The following ATP9A variants were observed in gnomAD, a reference collection of about 807,000 sequenced individuals.
The protein encoded by ATP9A is ATPase phospholipid transporting 9A, also known as probable phospholipid-transporting ATPase IIA.
ATP9A carries 52 observed loss-of-function variants against 144.1 expected under a neutral mutation model. That is an observed-to-expected ratio of 0.36 (90% CI 0.29 to 0.45). The LOEUF is 0.45. ATP9A is among the 20% of genes least tolerant of loss of function. ATP9A has a pLI of 1.00. For missense variants in ATP9A, 947 were observed against 1,392.7 expected, an observed-to-expected ratio of 0.68 and a Z score of 5.09; for synonymous variants, 582 against 557.4, an observed-to-expected ratio of 1.04 and a Z score of -0.62.
At chr20:51,650,902 T>C (rs62228330) in intron 14 of ATP9A, among the ~76,000 whole-genome samples, 138 of 149,342 alleles carry the variant, frequency 9.2e-4, no homozygotes, top group African/African-American at 2.0e-3. Flanking sequence ...ACATCACACA[T>C]ACACACACAC....
intron 4 of ATP9A, among the ~76,000 whole-genome samples, chr20:51,708,571 T>C (rs2077624438): frequency 1.3e-5 from 2 of 151,440 alleles, no homozygotes. Flanking sequence ...CTCGTCTCTA[T>C]TAAAAATACA....
intron 13 of ATP9A, among the ~76,000 whole-genome samples, chr20:51,663,506 C>T (rs1003397431): frequency 2.6e-5 from 4 of 152,054 alleles, no homozygotes; most frequent in African/African-American, 9.7e-5. Flanking sequence ...AATTCTTCCT[C>T]AAGAGAATGT....
intron 22 of ATP9A, among the ~76,000 whole-genome samples, chr20:51,614,909 T>C (rs1477119435): frequency 6.6e-6 from 1 of 152,142 alleles, no homozygotes; most frequent in Non-Finnish European, 1.5e-5. Flanking sequence ...TGCTAATAAA[T>C]GTGATTTGCA....
chr20:51,745,090 A>G (rs991308640), intron 1 of ATP9A, among the ~76,000 whole-genome samples: 1 of 152,148 alleles, frequency 6.6e-6, no homozygotes, highest in Non-Finnish European at 1.5e-5. Flanking sequence ...TCTGGCCAAC[A>G]TGGTGAAACC....
intron 4 of ATP9A, among the ~76,000 whole-genome samples, chr20:51,712,098 A>G (rs1280635445): frequency 4.6e-5 from 5 of 108,846 alleles, no homozygotes; most frequent in African/African-American, 7.5e-5. Context: ...TTTGAGATGG[A>G]GTCTCGCTCT....
intron 14 of ATP9A, among the ~76,000 whole-genome samples, chr20:51,642,134 A>G (rs955057250): frequency 6.7e-6 from 1 of 150,248 alleles, no homozygotes; most frequent in African/African-American, 2.4e-5. Context: ...ATTACTGTGC[A>G]TCTGTTTTTT....
At chr20:51,646,753 T>G (rs1310660016) in intron 14 of ATP9A, among the ~76,000 whole-genome samples, 1 of 152,056 alleles carries the variant, frequency 6.6e-6, no homozygotes, top group Non-Finnish European at 1.5e-5. Context: ...CTTCAATTTT[T>G]TTTTTTAACA....
rs2426317 is a variant in ATP9A at position 51,627,559 on chromosome 20, T to G, written c.1845+41A>C. On this transcript the variant is annotated intron_variant, in intron 17 of 27. Coordinates refer to ENST00000338821, the MANE Select transcript of ATP9A (RefSeq NM_006045.3). ...GTGGAAGGAGTGACTGGGAGGCAGGTGGGGCTGCAAAGGCAATGGAAAGGT... is the reference window on the plus strand; with the variant it reads ...GTGGAAGGAGTGACTGGGAGGCAGGGGGGGCTGCAAAGGCAATGGAAAGGT... 8 of 1,556,096 alleles carry G rather than the reference T, an allele frequency of 5.1e-6. No individual in the cohort carries two copies. In the Admixed American group the frequency reaches 1.2e-4, roughly 23 times the overall value.
At chr20:51,726,313 C>CAAAA (rs11476208) in intron 2 of ATP9A, among the ~76,000 whole-genome samples, 7 of 70,772 alleles carry the variant, frequency 9.9e-5, no homozygotes, top group African/African-American at 2.3e-4. Flanking sequence ...AACTCTGTCT[C>CAAAA]AAAAAAAAAA....
At chr20:51,765,727 A>G (rs2077901123) in intron 1 of ATP9A, among the ~76,000 whole-genome samples, 1 of 150,420 alleles carries the variant, frequency 6.6e-6, no homozygotes, top group Non-Finnish European at 1.5e-5. Context: ...AGGCCAAGGC[A>G]GGTGGATCAC....
chr20:51,693,436 A>G (rs2077556806), intron 7 of ATP9A, among the ~76,000 whole-genome samples: 1 of 152,136 alleles, frequency 6.6e-6, no homozygotes, highest in Admixed American at 6.5e-5. Context: ...CAGAGAGACA[A>G]ATGGGAAGGA....
At position 51,764,539 on chromosome 20, in the gene ATP9A, C is replaced by A. The variant is rs2077895458; in HGVS notation, c.68+3763G>T. On this transcript the variant is annotated intron_variant, in intron 1 of 27. Transcript: ENST00000338821. ...CCCCAGAAATAACTGCATTCTGTCC[C>A]CTATGACATGTGGCATCGTTTTTGG... 2.0e-5 allele frequency among the ~76,000 whole-genome samples: 3 copies of A among 152,172 alleles called. No individual in the cohort carries two copies. The South Asian group carries it at 6.2e-4, about 32-fold the overall frequency.
At chr20:51,604,633 C>T (rs1415192750) in intron 27 of ATP9A, among the ~76,000 whole-genome samples, 184 bp downstream of exon 27, 1 of 152,196 alleles carries the variant, frequency 6.6e-6, no homozygotes, top group Non-Finnish European at 1.5e-5. Context: ...CACCCTGAGG[C>T]ACAACTACCA....
At chr20:51,697,522 T>G in intron 4 of ATP9A, 40 bp from the exon 5 acceptor site, 1 of 1,589,900 alleles carries the variant, frequency 6.3e-7, no homozygotes, top group Middle Eastern at 1.7e-4. Flanking sequence ...CCATCTTAAT[T>G]CATTTCAATT....
intron 9 of ATP9A, among the ~76,000 whole-genome samples, chr20:51,687,565 A>C (rs973303251): frequency 2.0e-5 from 3 of 152,116 alleles, no homozygotes; most frequent in Non-Finnish European, 2.9e-5. Context: ...AGAGTTTGAG[A>C]CCAGCCTGGG....
chr20:51,630,249 C>T (rs1211466371), intron 15 of ATP9A, among the ~76,000 whole-genome samples: 1 of 152,214 alleles, frequency 6.6e-6, no homozygotes, highest in African/African-American at 2.4e-5. Context: ...CCCCATTTTC[C>T]CCCAATGATT....
intron 13 of ATP9A, among the ~76,000 whole-genome samples, chr20:51,669,173 C>T (rs1265261507): frequency 2.6e-5 from 4 of 152,126 alleles, no homozygotes; most frequent in Non-Finnish European, 4.4e-5. Context: ...CCCAAAGCCA[C>T]GCCCTGCCCT....
chr20:51,720,493 T>C (rs1379513089), intron 3 of ATP9A, among the ~76,000 whole-genome samples: 1 of 152,202 alleles, frequency 6.6e-6, no homozygotes, highest in Non-Finnish European at 1.5e-5. Context: ...CCCAGGGCTT[T>C]ACTGCATCAG....
chr20:51,750,786 T>C (rs1439827002), intron 1 of ATP9A, among the ~76,000 whole-genome samples: 1 of 152,038 alleles, frequency 6.6e-6, no homozygotes, highest in African/African-American at 2.4e-5. Flanking sequence ...TCTCATCTCG[T>C]TGTAGAATCT....
Sources: allele counts gnomAD v4.1 joint callset (sites outside exome capture counted in the v4.1 genomes callset), GRCh38; gene constraint gnomAD v4.1.1; transcripts MANE v1.5; gene names NCBI Gene and HGNC (gene_info 2026-07-23, HGNC 2026-07-21).